The following KCNQ2 variants were observed in gnomAD, a reference collection of about 807,000 sequenced individuals.
KCNQ2 encodes the protein potassium voltage-gated channel subfamily KQT member 2.
Under a neutral mutation model 84.8 loss-of-function variants are expected in KCNQ2, and 14 were observed. The observed-to-expected ratio is 0.17, with a 90% CI of 0.11 to 0.26. The LOEUF (loss-of-function observed/expected upper bound fraction) is 0.26, where lower values mean the gene tolerates loss of function less well. KCNQ2 is among the 10% of genes least tolerant of loss of function. The pLI is 1.00. For synonymous variants in KCNQ2, 599 were observed against 554.1 expected, an observed-to-expected ratio of 1.08 and a Z score of -1.14; for missense variants, 788 against 1,254.0, an observed-to-expected ratio of 0.63 and a Z score of 5.61.
chr20:63,443,118 T>G (rs1403177565), intron 4 of KCNQ2, among the ~76,000 whole-genome samples: 1 of 13,596 alleles, frequency 7.4e-5, no homozygotes, highest in Non-Finnish European at 1.5e-4. Flanking sequence ...CCACCACCAC[T>G]ATCACCACCA....
Position 63,407,025 on chromosome 20 carries a change from A to G in KCNQ2, c.2238T>C (p.Pro746=). Residue 746 remains proline, a synonymous_variant, in exon 17 of 17, where the codon CCT becomes CCC. Transcript: ENST00000359125. This position sits in a 1 kb window ranked among gnomAD's most constrained non-coding sequence, Gnocchi z 7.2. ...AGGCGGACAGCGACCGCTCGTGGGCAGGCGGCGGCGGGATGCGCACCAGGG... is the reference window on the plus strand; with the variant it reads ...AGGCGGACAGCGACCGCTCGTGGGCGGGCGGCGGCGGGATGCGCACCAGGG... ...HGSLVRIPPP[P]AHERSLSAYG... 2 of 1,522,174 alleles carry G rather than the reference A, an allele frequency of 1.3e-6. No homozygotes were observed. The highest frequency in any genetic ancestry group is 1.8e-6 in the Non-Finnish European group (2 of 1,137,516). 94.3% of individuals were successfully genotyped at this position (1,522,174 alleles called of 1,614,324 possible).
chr20:63,402,224 C>A lies in KCNQ2; in HGVS notation c.*4420G>T. On this transcript the variant is annotated 3_prime_UTR_variant, in exon 17 of 17. Transcript: ENST00000359125. ...GGTCCAAGCCTCGTGAGCCGTCCCT[C>A]TCACGCCACGTCTGCCGGGCACCCT... is the stretch of plus-strand genomic sequence containing the variant. 5.5e-6 allele frequency: 1 copy of A among 183,316 alleles called. No individual in the cohort carries two copies. Among genetic ancestry groups the A allele is most frequent in the South Asian group, 8.5e-5 (1 of 11,780 alleles). The allele number at this position is 183,316 out of a possible 1,614,324, so 11.4% of individuals were successfully genotyped here.
intron 1 of KCNQ2, among the ~76,000 whole-genome samples, chr20:63,452,895 C>T (rs891943129): frequency 1.3e-5 from 2 of 151,272 alleles, no homozygotes; most frequent in African/African-American, 2.4e-5. Flanking sequence ...ACGCGCCAGC[C>T]GGAGCTCCAG....
chr20:63,410,982 A>C (rs561000710), intron 15 of KCNQ2: 9 of 456,168 alleles, frequency 2.0e-5, no homozygotes, highest in African/African-American at 1.6e-4. Flanking sequence ...GGAGGCAAGA[A>C]GGCCTTGGAA....
rs1372028689 is a variant in KCNQ2 at position 63,407,302 on chromosome 20, T to A, written c.1961A>T (p.Glu654Val). The A allele has an allele frequency of 1.9e-6, 3 of 1,595,172 alleles. No homozygotes were observed. Among genetic ancestry groups the A allele is most frequent in the Non-Finnish European group, 2.5e-6 (3 of 1,177,052 alleles). ...TTTGGCCCCAAAGTAGGCCTCGGTC[T>A]CTGTCGGGGGGATGCCCATCCGCTG... ...YMQRMGIPPTETEAYFGAKEP... is the reference protein window; with the variant it reads ...YMQRMGIPPTVTEAYFGAKEP... The change falls in exon 17 of 17, where the codon GAG (glutamate) becomes GTG (valine). Residue 654 changes from glutamate to valine, a missense_variant. This residue lies in a region of KCNQ2 where 378 missense variants were observed against 434.5 expected (regional missense o/e 0.87). Coordinates refer to ENST00000359125, the MANE Select transcript of KCNQ2 (RefSeq NM_172107.4). The surrounding 1 kb of genome is among the most constrained non-coding windows in gnomAD (Gnocchi z 7.2).
chr20:63,442,293 A>T (rs2081183403), intron 5 of KCNQ2, 113 bp downstream of exon 5: 1 of 1,284,250 alleles, frequency 7.8e-7, no homozygotes, highest in Admixed American at 1.9e-5. Flanking sequence ...GGCAGCCAGC[A>T]GGTGGCCCCA....
chr20:63,440,707 T>C (rs1194481920), intron 5 of KCNQ2, among the ~76,000 whole-genome samples: 1 of 152,166 alleles, frequency 6.6e-6, no homozygotes, highest in Admixed American at 6.5e-5. Context: ...CTGTGTGGTC[T>C]GAGGACAGGG....
chr20:63,432,369 TCCACCCTCTGGGAAGGCC>T (rs2080837976), intron 8 of KCNQ2, among the ~76,000 whole-genome samples: 4 of 87,142 alleles, frequency 4.6e-5, no homozygotes, highest in East Asian at 3.3e-4. Flanking sequence ...CAGGGAAGGC[TCCACCCTCTGGGAAGGCC>T]CCACCCACAG....
rs1601571217 is a variant in KCNQ2, at chr20:63,414,508, C to G, written c.1526-315G>C. Among the ~76,000 whole-genome samples, 1 of 152,072 alleles carries G rather than the reference C, an allele frequency of 6.6e-6. No homozygotes were observed. The highest frequency in any genetic ancestry group is 2.4e-5 in the African/African-American group (1 of 41,398). On this transcript the variant is annotated intron_variant, in intron 13 of 16. Coordinates refer to ENST00000359125, the MANE Select transcript of KCNQ2 (RefSeq NM_172107.4). This position sits in a 1 kb window ranked among gnomAD's most constrained non-coding sequence, Gnocchi z 6.6. ...ACGGCGGAAGGTGCAGGCCTGACAT[C>G]TGAGGCTCAGTGAAGGAAGCCAGAC...
intron 12 of KCNQ2, among the ~76,000 whole-genome samples, chr20:63,417,881 G>A (rs749496042): frequency 7.2e-5 from 11 of 152,194 alleles, no homozygotes; most frequent in Admixed American, 1.3e-4. Flanking sequence ...CCGCCGGGAC[G>A]CAGCCCACGT....
At chr20:63,432,433 G>T (rs1471557768) in intron 8 of KCNQ2, among the ~76,000 whole-genome samples, 1 of 146,786 alleles carries the variant, frequency 6.8e-6, no homozygotes, top group Non-Finnish European at 1.5e-5. Context: ...CCCACCCTCA[G>T]GGAAGGATCC....
At chr20:63,420,052 G>C (rs1434122127) in intron 11 of KCNQ2, among the ~76,000 whole-genome samples, 1 of 152,270 alleles carries the variant, frequency 6.6e-6, no homozygotes, top group South Asian at 2.1e-4. Flanking sequence ...CCGGGAAAGG[G>C]CGTGGGTGTG....
Position 63,408,245 on chromosome 20 carries a change from G to T in KCNQ2, c.1887+168C>A. 1 of 855,802 alleles carries T rather than the reference G, an allele frequency of 1.2e-6. No homozygotes were observed. Among genetic ancestry groups the T allele is most frequent in the Non-Finnish European group, 1.8e-6 (1 of 555,238 alleles). The allele number at this position is 855,802 out of a possible 1,614,324, so 53.0% of individuals were successfully genotyped here. On this transcript the variant is annotated intron_variant, in intron 16 of 16. Transcript: ENST00000359125. The surrounding 1 kb of genome is among the most constrained non-coding windows in gnomAD (Gnocchi z 5.0). ...GCCGGGGGTGGGAGGCTCACGGTGG[G>T]GTGTGAGGGGTCTGCACAGAGCAGC...
intron 1 of KCNQ2, among the ~76,000 whole-genome samples, chr20:63,457,033 T>C (rs2081819322): frequency 6.6e-6 from 1 of 152,192 alleles, no homozygotes; most frequent in South Asian, 2.1e-4. Flanking sequence ...TGGAATCTAA[T>C]TTCACCATCT....
chr20:63,464,103 AT>A (rs1390025263), intron 1 of KCNQ2, among the ~76,000 whole-genome samples: 1 of 152,092 alleles, frequency 6.6e-6, no homozygotes, highest in Non-Finnish European at 1.5e-5. Flanking sequence ...GCAGAGCCTA[AT>A]GTCAGTTCCA....
rs1246353172 is a variant in KCNQ2 at position 63,408,134 on chromosome 20, CCT to C, written c.1887+277_1887+278del. 1.3e-5 allele frequency: 6 copies of C among 478,688 alleles called. No individual in the cohort carries two copies. The highest frequency in any genetic ancestry group is 3.4e-5 in the Admixed American group (1 of 29,818). 29.7% of individuals were successfully genotyped at this position (478,688 alleles called of 1,614,324 possible). On this transcript the variant is annotated intron_variant, in intron 16 of 16. Transcript: ENST00000359125. This position sits in a 1 kb window ranked among gnomAD's most constrained non-coding sequence, Gnocchi z 5.0. ...CTTCCGGCACGTTCCACAAGGAACCCCTGAGGGATCCACCTCTCAGCAGCCCC... is the reference window on the plus strand; with the variant it reads ...CTTCCGGCACGTTCCACAAGGAACCCGAGGGATCCACCTCTCAGCAGCCCC...
At position 63,401,137 on chromosome 20, in the gene KCNQ2, G is replaced by A; in HGVS notation, c.*5507C>T. On this transcript the variant is annotated 3_prime_UTR_variant, in exon 17 of 17. Coordinates refer to ENST00000359125, the MANE Select transcript of KCNQ2 (RefSeq NM_172107.4). Reference sequence around the variant, plus strand: ...TCCTCGGCCAGCCAGGGGCACCACGGCAAGTGTCCAAGCCCAGAGCACACT... The same window carrying A: ...TCCTCGGCCAGCCAGGGGCACCACGACAAGTGTCCAAGCCCAGAGCACACT... 2.8e-6 allele frequency: 1 copy of A among 358,246 alleles called. No individual in the cohort carries two copies. The highest frequency in any genetic ancestry group is 5.0e-6 in the Non-Finnish European group (1 of 200,816). 22.2% of individuals were successfully genotyped at this position (358,246 alleles called of 1,614,324 possible). A position where few individuals can be genotyped will look rare whatever the true frequency, so the allele number is the denominator to read the frequency against.
At chr20:63,437,689 G>A (rs2081045838) in intron 7 of KCNQ2, among the ~76,000 whole-genome samples, 1 of 152,270 alleles carries the variant, frequency 6.6e-6, no homozygotes, top group Admixed American at 6.5e-5. Flanking sequence ...AGACAGGAGA[G>A]AGCCTATAGC....
chr20:63,414,251 G>A lies in KCNQ2; in HGVS notation c.1526-58C>T, dbSNP rs935122487. 1.1e-5 allele frequency: 14 copies of A among 1,244,364 alleles called. 1 individual carries two copies. Among genetic ancestry groups the A allele is most frequent in the South Asian group, 8.4e-5 (7 of 83,202 alleles). The allele number at this position is 1,244,364 out of a possible 1,614,324, so 77.1% of individuals were successfully genotyped here. ...AGGGGGCCGGGAGACCTATTCCCGG[G>A]GTCCTGCAGGGCACACCGGCTAGAC... On this transcript the variant is annotated intron_variant, in intron 13 of 16. Coordinates refer to ENST00000359125, the MANE Select transcript of KCNQ2 (RefSeq NM_172107.4). This position sits in a 1 kb window ranked among gnomAD's most constrained non-coding sequence, Gnocchi z 6.6.
Sources: gnomAD v4.1 joint callset for allele counts (sites outside exome capture counted in the v4.1 genomes callset) on GRCh38, gnomAD v4.1.1 for gene constraint, gnomAD v4.1.1 regional missense constraint, Gnocchi (gnomAD v3.1) non-coding constraint, MANE v1.5 for transcripts, NCBI Gene and HGNC (gene_info 2026-07-23, HGNC 2026-07-21) for gene names.